The following GTF2F2 variants were observed in gnomAD, a reference collection of about 807,000 sequenced individuals.
The protein encoded by GTF2F2 is ATP-dependent helicase GTF2F2.
In GTF2F2, 23 loss-of-function variants were observed where a neutral mutation model predicts 42.2. The observed-to-expected ratio is 0.55, with a 90% CI of 0.39 to 0.77. The LOEUF (loss-of-function observed/expected upper bound fraction) is 0.77. Among genes scored for constraint, GTF2F2 ranks in the 30% least tolerant of loss-of-function variants. GTF2F2 has a pLI of 0.00. For synonymous variants in GTF2F2, 105 were observed against 100.8 expected (o/e 1.04, Z -0.25); for missense variants, 261 against 287.2 (o/e 0.91, Z 0.66).
chr13:45,174,634 CTT>C (rs397950608), intron 4 of GTF2F2, among the ~76,000 whole-genome samples: 10 of 81,466 alleles, frequency 1.2e-4, no homozygotes, highest in East Asian at 3.3e-4. Context: ...TTTCTTTTTT[CTT>C]TTTTTTTTTT....
chr13:45,253,534 A>G (rs1875964346), intron 6 of GTF2F2, among the ~76,000 whole-genome samples: 1 of 152,218 alleles, frequency 6.6e-6, no homozygotes, highest in Non-Finnish European at 1.5e-5. Context: ...TTAAAACTTT[A>G]TGCAGTTTCA....
chr13:45,175,844 G>A (rs112802864), intron 4 of GTF2F2, among the ~76,000 whole-genome samples: 16 of 152,192 alleles, frequency 1.1e-4, no homozygotes, highest in Non-Finnish European at 1.3e-4. Flanking sequence ...GGCTGGTCTC[G>A]AACTCCCGAC....
At chr13:45,151,181 G>C (rs1205839769) in intron 3 of GTF2F2, among the ~76,000 whole-genome samples, 1 of 151,964 alleles carries the variant, frequency 6.6e-6, no homozygotes, top group Non-Finnish European at 1.5e-5. Context: ...CTTTAGGTCC[G>C]TGTCTACCCA....
intron 4 of GTF2F2, chr13:45,206,707 T>C (rs1206002810): frequency 6.6e-6 from 1 of 152,264 alleles, no homozygotes; most frequent in Non-Finnish European, 1.5e-5. Context: ...AGGCACACAA[T>C]AGATGCTAGC....
chr13:45,261,437 A>G (rs1876339743), intron 6 of GTF2F2, among the ~76,000 whole-genome samples: 1 of 150,918 alleles, frequency 6.6e-6, no homozygotes, highest in South Asian at 2.1e-4. Flanking sequence ...AAAAAAAAAA[A>G]AAAAAAAGAA....
chr13:45,239,860 G>A (rs1413667490), intron 5 of GTF2F2, among the ~76,000 whole-genome samples: 2 of 152,046 alleles, frequency 1.3e-5, no homozygotes, highest in African/African-American at 4.8e-5. Flanking sequence ...TATGATACAG[G>A]TGATGAACAC....
At chr13:45,140,699 T>C (rs1175947864) in intron 2 of GTF2F2, among the ~76,000 whole-genome samples, 1 of 152,232 alleles carries the variant, frequency 6.6e-6, no homozygotes, top group African/African-American at 2.4e-5. Context: ...TCCCTCAATG[T>C]GAAGTTCTTT....
chr13:45,200,539 C>CT (rs1265671294), intron 4 of GTF2F2, among the ~76,000 whole-genome samples: 2 of 152,140 alleles, frequency 1.3e-5, no homozygotes, highest in Non-Finnish European at 2.9e-5. Flanking sequence ...AGCTATGCTG[C>CT]TGCCTCAGCC....
chr13:45,142,228 G>A (rs1010282372), intron 2 of GTF2F2, among the ~76,000 whole-genome samples: 32 of 152,198 alleles, frequency 2.1e-4, no homozygotes, highest in Non-Finnish European at 1.6e-4. Context: ...GCGCAGTGGC[G>A]TGATCTCGGC....
At chr13:45,255,565 GT>G (rs1876069955) in intron 6 of GTF2F2, among the ~76,000 whole-genome samples, 1 of 152,148 alleles carries the variant, frequency 6.6e-6, no homozygotes, top group South Asian at 2.1e-4. Context: ...TTTTTCTGTT[GT>G]TTTCTGACTT....
intron 6 of GTF2F2, among the ~76,000 whole-genome samples, chr13:45,260,479 A>T (rs1182731962): frequency 6.6e-6 from 1 of 152,250 alleles, no homozygotes; most frequent in Non-Finnish European, 1.5e-5. Context: ...AGGATTTAAC[A>T]TGCAGAACCA....
chr13:45,201,244 G>C (rs1873165528), intron 4 of GTF2F2, among the ~76,000 whole-genome samples: 1 of 152,134 alleles, frequency 6.6e-6, no homozygotes. Context: ...TTCAGATATA[G>C]GGCAGGATAA....
chr13:45,277,225 G>A (rs1284246190), intron 7 of GTF2F2, among the ~76,000 whole-genome samples: 1 of 152,154 alleles, frequency 6.6e-6, no homozygotes, highest in Non-Finnish European at 1.5e-5. Flanking sequence ...CAAAATACCT[G>A]AGACTGGGTA....
intron 5 of GTF2F2, among the ~76,000 whole-genome samples, chr13:45,246,224 G>A (rs999399708): frequency 1.3e-5 from 2 of 151,752 alleles, no homozygotes; most frequent in African/African-American, 4.8e-5. Context: ...TGTTGTCCAG[G>A]ATGGTCTCGA....
chr13:45,240,378 T>C (rs1252312987), intron 5 of GTF2F2, among the ~76,000 whole-genome samples: 1 of 152,168 alleles, frequency 6.6e-6, no homozygotes, highest in East Asian at 1.9e-4. Flanking sequence ...AATATAGATA[T>C]ATATAGATCA....
chr13:45,159,036 A>C (rs375873823), intron 4 of GTF2F2, among the ~76,000 whole-genome samples: 3 of 152,336 alleles, frequency 2.0e-5, no homozygotes, highest in African/African-American at 7.2e-5. Flanking sequence ...ATTTTGGCAC[A>C]GGTGATTTTT....
intron 4 of GTF2F2, among the ~76,000 whole-genome samples, chr13:45,176,385 T>A (rs756108115): frequency 6.6e-6 from 1 of 152,228 alleles, no homozygotes; most frequent in Non-Finnish European, 1.5e-5. Flanking sequence ...TGATTTGACA[T>A]CCGTCTCTTT....
chr13:45,205,316 C>T (rs1354796218), intron 4 of GTF2F2, among the ~76,000 whole-genome samples: 3 of 152,152 alleles, frequency 2.0e-5, no homozygotes, highest in African/African-American at 4.8e-5. Flanking sequence ...CCAGTGAGAA[C>T]TCACTCATTA....
chr13:45,169,011 C>T (rs1871461199), intron 4 of GTF2F2, among the ~76,000 whole-genome samples: 2 of 150,418 alleles, frequency 1.3e-5, no homozygotes, highest in African/African-American at 4.9e-5. Context: ...CCCTCCTTCC[C>T]TCCTTCCTTG....
Sources: gnomAD v4.1 joint callset for allele counts (sites outside exome capture counted in the v4.1 genomes callset) on GRCh38, gnomAD v4.1.1 for gene constraint, MANE v1.5 for transcripts, NCBI Gene and HGNC (gene_info 2026-07-23, HGNC 2026-07-21) for gene names.